Variants in ARGLU1 observed in about 807,000 individuals in gnomAD.
ARGLU1 encodes arginine and glutamate rich 1.
In ARGLU1, 9 loss-of-function variants were observed where a neutral mutation model predicts 37.6. That is an observed-to-expected ratio of 0.24 (90% CI 0.14 to 0.42). The LOEUF is 0.42. Among genes scored for constraint, ARGLU1 ranks in the 10% least tolerant of loss-of-function variants. The pLI is 1.00. For synonymous variants in ARGLU1, 166 were observed against 138.5 expected (o/e 1.20, Z -1.39); for missense variants, 211 against 359.2 (o/e 0.59, Z 3.34).
intron 2 of ARGLU1, chr13:106,558,721 C>CAA (rs1880720243): frequency 1.0e-6 from 1 of 985,416 alleles, no homozygotes; most frequent in Non-Finnish European, 1.2e-6. Flanking sequence ...TTTAGCTTGA[C>CAA]TCCAGACAAG....
intron 1 of ARGLU1, among the ~76,000 whole-genome samples, chr13:106,566,650 T>G (rs1304082864): frequency 3.3e-5 from 5 of 152,232 alleles, no homozygotes; most frequent in Non-Finnish European, 7.3e-5. Context: ...TTGGGATTAT[T>G]TATCCACATC....
Position 106,543,881 on chromosome 13 carries a change from C to T in ARGLU1, c.*115G>A. ...CATAGCCCCTATTAGAACAAGCTAA[C>T]TTTCCAGATTTTACAAATTAAAAAA... On this transcript the variant is annotated 3_prime_UTR_variant, in exon 4 of 4. Transcript: ENST00000400198. 2 of 939,550 alleles carry T rather than the reference C, an allele frequency of 2.1e-6. No individual in the cohort carries two copies. Among genetic ancestry groups the T allele is most frequent in the Non-Finnish European group, 3.0e-6 (2 of 665,344 alleles). 58.2% of individuals were successfully genotyped at this position (939,550 alleles called of 1,614,324 possible).
Position 106,567,905 on chromosome 13 carries a change from C to T in ARGLU1, c.15G>A (p.Arg5=), listed in dbSNP as rs1324820450. 4 of 1,608,620 alleles carry T rather than the reference C, an allele frequency of 2.5e-6. No individual in the cohort carries two copies. The highest frequency in any genetic ancestry group is 1.6e-4 in the Middle Eastern group (1 of 6,074). The stretch of plus-strand genomic sequence containing the variant: ...GCTTGGAGCGGGACGAGCTCCGGCT[C>T]CGAGACCGGCCCATCCTTCCGGGAG... MGRS[R]SRSSSRSKHT... The change falls in exon 1 of 4, where the codon CGG becomes CGA. Residue 5 remains arginine, a synonymous_variant. Transcript: ENST00000400198. This position sits in a 1 kb window ranked among gnomAD's most constrained non-coding sequence, Gnocchi z 4.3.
At chr13:106,558,892 G>A in intron 2 of ARGLU1, 1 of 985,412 alleles carries the variant, frequency 1.0e-6, no homozygotes, top group Non-Finnish European at 1.2e-6. Context: ...TTAGTCCATT[G>A]TGCTGAAGCA....
intron 1 of ARGLU1, among the ~76,000 whole-genome samples, chr13:106,560,555 A>AT (rs2138973976): frequency 1.3e-5 from 2 of 152,312 alleles, no homozygotes; most frequent in Admixed American, 6.5e-5. Flanking sequence ...TCCTATTTTT[A>AT]TTTGATTGCG....
In ARGLU1 at chr13:106,567,945, C is replaced by T; in HGVS notation, c.-26G>A. On this transcript the variant is annotated 5_prime_UTR_variant, in exon 1 of 4. Transcript: ENST00000400198. This position sits in a 1 kb window ranked among gnomAD's most constrained non-coding sequence, Gnocchi z 4.3. The stretch of plus-strand genomic sequence containing the variant: ...CCTTCCGGGAGACGCTCTAACCGCT[C>T]GCCTCAGGCCCCTCACGCGGCCAGT... The T allele has an allele frequency of 7.6e-6, 12 of 1,573,340 alleles. No individual in the cohort carries two copies. The highest frequency in any genetic ancestry group is 1.0e-5 in the Non-Finnish European group (12 of 1,170,122).
Position 106,557,246 on chromosome 13 carries a change from G to T in ARGLU1, c.574-115C>A. 1.1e-6 allele frequency: 1 copy of T among 892,120 alleles called. No individual in the cohort carries two copies. The highest frequency in any genetic ancestry group is 1.7e-6 in the Non-Finnish European group (1 of 582,640). The allele number at this position is 892,120 out of a possible 1,614,324, so 55.3% of individuals were successfully genotyped here. A position where few individuals can be genotyped will look rare whatever the true frequency, so the allele number is the denominator to read the frequency against. ...ATATGACTTACAGGGTAGCTTTATA[G>T]CTACCTTCTGTCTGACAAATGATAA... On this transcript the variant is annotated intron_variant, in intron 2 of 3. Transcript: ENST00000400198. The surrounding 1 kb of genome is among the most constrained non-coding windows in gnomAD (Gnocchi z 5.0).
At chr13:106,555,565 T>C (rs1486120473) in intron 3 of ARGLU1, among the ~76,000 whole-genome samples, 2 of 152,206 alleles carry the variant, frequency 1.3e-5, no homozygotes, top group East Asian at 3.8e-4. Flanking sequence ...ATCTTAATTG[T>C]ATTTTGCGAA....
At chr13:106,561,263 A>G (rs1880793659) in intron 1 of ARGLU1, among the ~76,000 whole-genome samples, 1 of 152,212 alleles carries the variant, frequency 6.6e-6, no homozygotes, top group African/African-American at 2.4e-5. Context: ...TAGAAATTAA[A>G]TCACATTTCC....
At position 106,557,066 on chromosome 13, in the gene ARGLU1, T is replaced by C. The variant is rs536237319; in HGVS notation, c.639A>G (p.Ala213=). 5.0e-6 allele frequency: 8 copies of C among 1,613,952 alleles called. No individual in the cohort carries two copies. The South Asian group carries it at 5.5e-5, about 11-fold the overall frequency. The change falls in exon 3 of 4, where the codon GCA becomes GCG. Residue 213 remains alanine (A), a synonymous_variant. Transcript: ENST00000400198. This position sits in a 1 kb window ranked among gnomAD's most constrained non-coding sequence, Gnocchi z 5.0. ...RILEENNRKI[A]EAQAKLAEEQ... is the part of the protein sequence containing the mutation. Reference sequence around the variant, plus strand: ...CACTTACCAGTTTGGCTTGTGCTTCTGCAATTTTTCGGTTATTCTCTTCCA... The same window carrying C: ...CACTTACCAGTTTGGCTTGTGCTTCCGCAATTTTTCGGTTATTCTCTTCCA...
At chr13:106,561,307 G>A (rs984651489) in intron 1 of ARGLU1, among the ~76,000 whole-genome samples, 3 of 151,930 alleles carry the variant, frequency 2.0e-5, no homozygotes, top group Non-Finnish European at 4.4e-5. Context: ...TCACCCAAAA[G>A]GAAAGAAAAC....
rs1880307914 is a variant in ARGLU1 at position 106,543,339 on chromosome 13, T to C, written c.*657A>G. On this transcript the variant is annotated 3_prime_UTR_variant, in exon 4 of 4. Coordinates refer to ENST00000400198, the MANE Select transcript of ARGLU1 (RefSeq NM_018011.4). The stretch of plus-strand genomic sequence containing the variant: ...TTGCTTCAACATATGAATTTAAGAC[T>C]TTACTTTATTCAGCAAAATCATTTA... 1 of 152,490 alleles carries C rather than the reference T, an allele frequency of 6.6e-6. No individual in the cohort carries two copies. The highest frequency in any genetic ancestry group is 1.5e-5 in the Non-Finnish European group (1 of 67,942). 9.4% of individuals were successfully genotyped at this position (152,490 alleles called of 1,614,324 possible).
intron 2 of ARGLU1, chr13:106,558,333 A>C: frequency 4.1e-6 from 4 of 985,238 alleles, no homozygotes; most frequent in Non-Finnish European, 4.8e-6. Flanking sequence ...AAGACAGGAC[A>C]AGGGAAAATG....
chr13:106,544,052 G>A lies in ARGLU1; in HGVS notation c.766C>T (p.Leu256=). The change falls in exon 4 of 4, where the codon CTG becomes TTG. Residue 256 remains leucine (L), a synonymous_variant. Coordinates refer to ENST00000400198, the MANE Select transcript of ARGLU1 (RefSeq NM_018011.4). ...RQQKEEQKII[L]GKGKSRPKLS... ...TTTGGCCTGGACTTCCCCTTGCCCA[G>A]GATAATTTTTTGTTCTTCTTTTTGT... The A allele has an allele frequency of 6.2e-7, 1 of 1,604,226 alleles. No individual in the cohort carries two copies.
intron 3 of ARGLU1, among the ~76,000 whole-genome samples, chr13:106,555,952 C>T (rs911306139): frequency 6.6e-6 from 1 of 152,160 alleles, no homozygotes; most frequent in Admixed American, 6.5e-5. Flanking sequence ...TTTTCTGAAA[C>T]ATCCATGCCT....
intron 3 of ARGLU1, among the ~76,000 whole-genome samples, chr13:106,548,014 C>T (rs1487306755): frequency 6.6e-6 from 1 of 152,062 alleles, no homozygotes; most frequent in Non-Finnish European, 1.5e-5. Context: ...TGATTTTCTC[C>T]GGGACTACGG....
chr13:106,547,159 G>C (rs1430544834), intron 3 of ARGLU1, among the ~76,000 whole-genome samples: 1 of 152,068 alleles, frequency 6.6e-6, no homozygotes, highest in Non-Finnish European at 1.5e-5. Flanking sequence ...AACCTCATGG[G>C]ATGCCTGTGC....
rs1324612592 is a variant in ARGLU1, at chr13:106,557,473, A to G, written c.574-342T>C. The G allele has an allele frequency of 2.0e-6, 2 of 999,466 alleles. No individual in the cohort carries two copies. The highest frequency in any genetic ancestry group is 2.7e-6 in the Non-Finnish European group (2 of 741,314). 61.9% of individuals were successfully genotyped at this position (999,466 alleles called of 1,614,324 possible). A position where few individuals can be genotyped will look rare whatever the true frequency, so the allele number is the denominator to read the frequency against. On this transcript the variant is annotated intron_variant, in intron 2 of 3. Transcript: ENST00000400198. This position sits in a 1 kb window ranked among gnomAD's most constrained non-coding sequence, Gnocchi z 5.0. ...AAAAATAATATATAAAATATAAATA[A>G]AGTGAATATTTGTCTCACCAATTAT... is the stretch of plus-strand genomic sequence containing the variant.
chr13:106,550,470 C>T (rs1043719933), intron 3 of ARGLU1, among the ~76,000 whole-genome samples: 4 of 152,134 alleles, frequency 2.6e-5, no homozygotes, highest in African/African-American at 9.7e-5. Flanking sequence ...CCTGACTTAC[C>T]CAAAACTTCA....
Sources: allele counts gnomAD v4.1 joint callset (sites outside exome capture counted in the v4.1 genomes callset), GRCh38; gene constraint gnomAD v4.1.1; non-coding constraint Gnocchi (gnomAD v3.1); transcripts MANE v1.5; gene names NCBI Gene and HGNC (gene_info 2026-07-23, HGNC 2026-07-21).